TENM3: variants seen among roughly 807,000 people sequenced by gnomAD.
TENM3 encodes the protein teneurin-3.
A neutral mutation model predicts 255.1 loss-of-function variants in TENM3; 63 were observed. The observed-to-expected ratio is 0.25, with a 90% CI of 0.20 to 0.30. The LOEUF (loss-of-function observed/expected upper bound fraction) is 0.30. Among genes scored for constraint, TENM3 ranks in the 10% least tolerant of loss-of-function variants. The pLI, the probability that TENM3 is intolerant of heterozygous loss-of-function variation, is 1.00. For synonymous variants in TENM3, 1,306 were observed against 1,322.3 expected (o/e 0.99, Z 0.27); for missense variants, 2,929 against 3,461.1 (o/e 0.85, Z 3.86).
the TENM3 span, among the ~76,000 whole-genome samples, chr4:181,851,976 G>T: frequency 6.6e-6 from 1 of 152,270 alleles, no homozygotes; most frequent in East Asian, 1.9e-4. Flanking sequence ...TACCTGTTGA[G>T]CAGACCATCA....
intron 3 of TENM3, among the ~76,000 whole-genome samples, chr4:182,361,626 T>C (rs1018317037): frequency 2.0e-5 from 3 of 151,828 alleles, no homozygotes; most frequent in African/African-American, 7.3e-5. Context: ...TTCGTCTAAA[T>C]TTTTTTCAAA....
chr4:181,862,383 CATTTT>C, the TENM3 span, among the ~76,000 whole-genome samples: 1 of 152,154 alleles, frequency 6.6e-6, no homozygotes, highest in East Asian at 1.9e-4. Context: ...TCCTGTAAAT[CATTTT>C]ATTTTATCTG....
chr4:182,192,276 C>G (rs1181171276), intron 1 of TENM3, among the ~76,000 whole-genome samples: 2 of 152,180 alleles, frequency 1.3e-5, no homozygotes, highest in African/African-American at 2.4e-5. Context: ...CTATCTGGCT[C>G]TTTACATAAA....
At chr4:181,823,589 A>G in the TENM3 span, among the ~76,000 whole-genome samples, 6 of 152,172 alleles carry the variant, frequency 3.9e-5, no homozygotes, top group African/African-American at 1.4e-4. Flanking sequence ...CCCTTTAAAT[A>G]ATTTATATAT....
intron 1 of TENM3, among the ~76,000 whole-genome samples, chr4:182,238,354 ATTC>A (rs1757019251): frequency 6.6e-6 from 1 of 152,190 alleles, no homozygotes; most frequent in African/African-American, 2.4e-5. Context: ...CTTTGTAATT[ATTC>A]TTCTCTCTGA....
chr4:182,299,841 C>T (rs1761741468), intron 1 of TENM3, among the ~76,000 whole-genome samples: 1 of 151,720 alleles, frequency 6.6e-6, no homozygotes, highest in Non-Finnish European at 1.5e-5. Flanking sequence ...CCTTCCATTA[C>T]AGCACGAGCA....
At chr4:182,491,185 G>A (rs992561675) in intron 3 of TENM3, among the ~76,000 whole-genome samples, 1 of 152,048 alleles carries the variant, frequency 6.6e-6, no homozygotes, top group African/African-American at 2.4e-5. Flanking sequence ...TAAACGTTAA[G>A]GCAAAAAACT....
At chr4:182,072,062 T>A in the TENM3 span, among the ~76,000 whole-genome samples, 4 of 152,238 alleles carry the variant, frequency 2.6e-5, no homozygotes, top group Admixed American at 1.3e-4. Context: ...GCCATCACTG[T>A]CTGATCACCC....
At chr4:182,608,270 T>C (rs1034600672) in intron 4 of TENM3, among the ~76,000 whole-genome samples, 68 of 152,312 alleles carry the variant, frequency 4.5e-4, no homozygotes, top group African/African-American at 1.6e-3. Flanking sequence ...TGATATTTTT[T>C]TGAGACGGGG....
the TENM3 span, among the ~76,000 whole-genome samples, chr4:181,600,082 T>G: frequency 6.6e-6 from 1 of 152,374 alleles, no homozygotes; most frequent in African/African-American, 2.4e-5. Flanking sequence ...CAGCTAATGC[T>G]GCATGTAATC....
At chr4:181,935,628 G>T in the TENM3 span, among the ~76,000 whole-genome samples, 6 of 152,174 alleles carry the variant, frequency 3.9e-5, no homozygotes, top group African/African-American at 1.4e-4. Flanking sequence ...TCTCTCTATT[G>T]GATACAAGCC....
At chr4:181,810,557 C>T in the TENM3 span, among the ~76,000 whole-genome samples, 3 of 152,006 alleles carry the variant, frequency 2.0e-5, no homozygotes, top group Admixed American at 1.3e-4. Context: ...GTTATTCATA[C>T]AAGACCCTGC....
chr4:182,471,276 A>G (rs1412133268), intron 3 of TENM3, among the ~76,000 whole-genome samples: 1 of 152,226 alleles, frequency 6.6e-6, no homozygotes, highest in South Asian at 2.1e-4. Context: ...TTGTGTGTGT[A>G]TGATGAACTT....
At chr4:181,636,410 G>C in the TENM3 span, among the ~76,000 whole-genome samples, 1 of 152,112 alleles carries the variant, frequency 6.6e-6, no homozygotes, top group Non-Finnish European at 1.5e-5. Flanking sequence ...GTAATAATCT[G>C]CTTTATTTAA....
At chr4:182,205,059 T>C (rs938366714) in intron 1 of TENM3, among the ~76,000 whole-genome samples, 4 of 152,226 alleles carry the variant, frequency 2.6e-5, no homozygotes, top group African/African-American at 4.8e-5. Context: ...GAATTTAAAA[T>C]AACCCCATCT....
In TENM3 at chr4:182,773,402, C is replaced by T; in HGVS notation, c.4893-70C>T. On this transcript the variant is annotated intron_variant, in intron 22 of 27. Coordinates refer to ENST00000511685, the MANE Select transcript of TENM3 (RefSeq NM_001080477.4). ...AATTTGTGCAACTAATATTGCTACA[C>T]ATTATATTTATAAGTCAGAAGAAAC... 4 of 1,379,184 alleles carry T rather than the reference C, an allele frequency of 2.9e-6. No individual in the cohort carries two copies. The Admixed American group carries it at 8.7e-5, about 30-fold the overall frequency. The allele number at this position is 1,379,184 out of a possible 1,614,324, so 85.4% of individuals were successfully genotyped here. A position where few individuals can be genotyped will look rare whatever the true frequency, so the allele number is the denominator to read the frequency against.
the TENM3 span, among the ~76,000 whole-genome samples, chr4:181,558,362 T>C: frequency 6.6e-6 from 1 of 152,214 alleles, no homozygotes; most frequent in Non-Finnish European, 1.5e-5. Context: ...TCCAAGAGGC[T>C]TGTAAAACCC....
intron 1 of TENM3, among the ~76,000 whole-genome samples, chr4:182,245,903 G>A (rs1290071724): frequency 1.3e-5 from 2 of 152,194 alleles, no homozygotes; most frequent in African/African-American, 2.4e-5. Context: ...TAGGAATTTA[G>A]GGAAAGCTGT....
the TENM3 span, among the ~76,000 whole-genome samples, chr4:181,861,489 A>C: frequency 2.0e-4 from 30 of 152,262 alleles, no homozygotes; most frequent in African/African-American, 6.3e-4. Flanking sequence ...TATGTGGACA[A>C]TACTTCAAGC....
Sources: gnomAD v4.1 joint callset for allele counts (sites outside exome capture counted in the v4.1 genomes callset) on GRCh38, gnomAD v4.1.1 for gene constraint, MANE v1.5 for transcripts, NCBI Gene and HGNC (gene_info 2026-07-23, HGNC 2026-07-21) for gene names.